The following ROR2 variants were observed in gnomAD, a reference collection of about 807,000 sequenced individuals.
The protein encoded by ROR2 is ROR family WNT receptor 2.
In ROR2, 33 loss-of-function variants were observed where a neutral mutation model predicts 74.9. That is an observed-to-expected ratio of 0.44 (90% CI 0.33 to 0.59). The LOEUF is 0.59. ROR2 is among the 20% of genes least tolerant of loss of function. The pLI, the probability that ROR2 is intolerant of heterozygous loss-of-function variation, is 0.02. For synonymous variants in ROR2, 586 were observed against 558.7 expected, an observed-to-expected ratio of 1.05 and a Z score of -0.69; for missense variants, 1,216 against 1,313.8, an observed-to-expected ratio of 0.93 and a Z score of 1.15.
At chr9:91,736,295 C>T (rs183808960) in intron 5 of ROR2, among the ~76,000 whole-genome samples, 13 of 152,256 alleles carry the variant, frequency 8.5e-5, no homozygotes, top group Admixed American at 4.6e-4. Flanking sequence ...CTTCTGTGAC[C>T]GTGAATGTGA....
At chr9:91,848,747 T>A (rs1337540219) in intron 1 of ROR2, among the ~76,000 whole-genome samples, 2 of 128,324 alleles carry the variant, frequency 1.6e-5, no homozygotes, top group Admixed American at 8.8e-5. Context: ...AGAGTGAGAC[T>A]CCGTCTCAGG....
intron 1 of ROR2, among the ~76,000 whole-genome samples, chr9:91,777,069 G>C (rs962265475): frequency 6.6e-6 from 1 of 152,120 alleles, no homozygotes; most frequent in Non-Finnish European, 1.5e-5. Context: ...GAGATCTTTA[G>C]AACTGACACT....
At chr9:91,903,488 CTCAAG>C (rs1329609148) in intron 1 of ROR2, among the ~76,000 whole-genome samples, 2 of 151,588 alleles carry the variant, frequency 1.3e-5, no homozygotes, top group African/African-American at 4.8e-5. Context: ...TTTTTTTCTC[CTCAAG>C]TCAAAACTTA....
intron 1 of ROR2, among the ~76,000 whole-genome samples, chr9:91,826,814 A>T (rs1828307363): frequency 6.7e-6 from 1 of 150,278 alleles, no homozygotes; most frequent in Non-Finnish European, 1.5e-5. Context: ...AAAAAGAAAA[A>T]AGAATGTGAT....
At chr9:91,809,694 G>A (rs1017968779) in intron 1 of ROR2, among the ~76,000 whole-genome samples, 7 of 152,354 alleles carry the variant, frequency 4.6e-5, no homozygotes, top group East Asian at 1.9e-4. Context: ...GGCTTGAGGC[G>A]TCTGGGGTAC....
intron 1 of ROR2, among the ~76,000 whole-genome samples, chr9:91,913,219 AG>A (rs1424577290): frequency 6.6e-6 from 1 of 152,192 alleles, no homozygotes; most frequent in Admixed American, 6.5e-5. Flanking sequence ...AATCGACTAT[AG>A]TTACTAAAAT....
chr9:91,919,273 C>T (rs1831210792), intron 1 of ROR2, among the ~76,000 whole-genome samples: 2 of 152,210 alleles, frequency 1.3e-5, no homozygotes, highest in Admixed American at 1.3e-4. Context: ...AGTTGATGCT[C>T]AGGCAACCAG....
intron 1 of ROR2, among the ~76,000 whole-genome samples, chr9:91,912,866 C>T (rs1370740006): frequency 1.3e-5 from 2 of 152,324 alleles, no homozygotes; most frequent in East Asian, 1.9e-4. Context: ...TGTTGGCTCA[C>T]GCCTGTAATC....
chr9:91,837,662 A>G lies in ROR2; in HGVS notation c.98-61844T>C, dbSNP rs80000624. Reference sequence around the variant, plus strand: ...CCATCTCATAAATTTTTCATGTCCCAGTTGTCTCATTTTCAAGATGTTTAA... The same window carrying G: ...CCATCTCATAAATTTTTCATGTCCCGGTTGTCTCATTTTCAAGATGTTTAA... On this transcript the variant is annotated intron_variant, in intron 1 of 8. Coordinates refer to ENST00000375708, the MANE Select transcript of ROR2 (RefSeq NM_004560.4). 5.7e-3 allele frequency among the ~76,000 whole-genome samples: 861 copies of G among 152,326 alleles called. 12 individuals carry two copies. Among genetic ancestry groups the G allele is most frequent in the African/African-American group, 0.019 (799 of 41,566 alleles).
chr9:91,934,143 C>T (rs565185074), intron 1 of ROR2, among the ~76,000 whole-genome samples: 3 of 152,122 alleles, frequency 2.0e-5, no homozygotes, highest in Non-Finnish European at 4.4e-5. Flanking sequence ...GTGGGAGGTG[C>T]TCTTCAATCA....
intron 2 of ROR2, among the ~76,000 whole-genome samples, chr9:91,759,210 G>C (rs142492538): frequency 2.0e-5 from 3 of 151,700 alleles, no homozygotes; most frequent in Admixed American, 2.0e-4. Flanking sequence ...AGGTGATGGA[G>C]AGGTGGGGGA....
intron 1 of ROR2, among the ~76,000 whole-genome samples, chr9:91,944,645 T>C (rs1831965625): frequency 6.6e-6 from 1 of 152,152 alleles, no homozygotes; most frequent in Non-Finnish European, 1.5e-5. Context: ...TACTCAGGAA[T>C]AGATTTAACT....
At chr9:91,785,822 C>T (rs559611522) in intron 1 of ROR2, among the ~76,000 whole-genome samples, 4 of 152,244 alleles carry the variant, frequency 2.6e-5, no homozygotes, top group South Asian at 2.1e-4. Context: ...TGAAATGCCC[C>T]GAAATTCTCC....
chr9:91,828,366 G>GT (rs1208057510), intron 1 of ROR2, among the ~76,000 whole-genome samples: 1 of 152,160 alleles, frequency 6.6e-6, no homozygotes, highest in Non-Finnish European at 1.5e-5. Flanking sequence ...AAATTCATTA[G>GT]TAAGTTCACA....
intron 1 of ROR2, among the ~76,000 whole-genome samples, chr9:91,883,088 G>T (rs186768090): frequency 6.6e-6 from 1 of 152,312 alleles, no homozygotes; most frequent in Admixed American, 6.5e-5. Context: ...GAGTACTTCA[G>T]ATTTCGGATT....
intron 1 of ROR2, among the ~76,000 whole-genome samples, chr9:91,947,922 G>C (rs1832056414): frequency 6.6e-6 from 1 of 150,518 alleles, no homozygotes; most frequent in Non-Finnish European, 1.5e-5. Flanking sequence ...ATACTCTTTG[G>C]ATTTTGTTAA....
At chr9:91,750,817 GAAAAT>G (rs773448956) in intron 4 of ROR2, among the ~76,000 whole-genome samples, 1 of 146,762 alleles carries the variant, frequency 6.8e-6, no homozygotes, top group Non-Finnish European at 1.6e-5. Flanking sequence ...TATGGAATCT[GAAAAT>G]AATGAGGATA....
chr9:91,856,697 G>A (rs1194200083), intron 1 of ROR2, among the ~76,000 whole-genome samples: 3 of 152,192 alleles, frequency 2.0e-5, no homozygotes, highest in South Asian at 2.1e-4. Flanking sequence ...GAGAATGAAC[G>A]TTGTTTAAGC....
chr9:91,897,601 C>A (rs1171895705), intron 1 of ROR2, among the ~76,000 whole-genome samples: 1 of 151,994 alleles, frequency 6.6e-6, no homozygotes, highest in African/African-American at 2.4e-5. Flanking sequence ...AACCACCTGG[C>A]CAAAGGTGTG....
Sources: gnomAD v4.1 joint callset for allele counts (sites outside exome capture counted in the v4.1 genomes callset) on GRCh38, gnomAD v4.1.1 for gene constraint, MANE v1.5 for transcripts, NCBI Gene and HGNC (gene_info 2026-07-23, HGNC 2026-07-21) for gene names.